The following C5 variants were observed in gnomAD, a reference collection of about 807,000 sequenced individuals.
The protein encoded by C5 is complement C5.
C5 carries 140 observed loss-of-function variants against 218.8 expected under a neutral mutation model. The observed-to-expected ratio is 0.64, with a 90% CI of 0.56 to 0.74. The LOEUF (loss-of-function observed/expected upper bound fraction) is 0.74. C5 is among the 30% of genes least tolerant of loss of function. The pLI, the probability that C5 is intolerant of heterozygous loss-of-function variation, is 0.00. For synonymous variants in C5, 614 were observed against 682.3 expected, an observed-to-expected ratio of 0.90 and a Z score of 1.56; for missense variants, 1,700 against 1,969.6, an observed-to-expected ratio of 0.86 and a Z score of 2.59.
intron 9 of C5, among the ~76,000 whole-genome samples, chr9:121,025,107 T>G (rs2047408186): frequency 6.6e-6 from 1 of 152,216 alleles, no homozygotes; most frequent in Non-Finnish European, 1.5e-5. Context: ...AATCTTATTT[T>G]GGTTTTGATT....
chr9:120,991,432 G>C, intron 22 of C5, 152 bp from the exon 23 acceptor site: 1 of 611,734 alleles, frequency 1.6e-6, no homozygotes, highest in South Asian at 2.0e-5. Context: ...AAATCATCAA[G>C]GACTTTAATC....
chr9:121,019,140 T>TA (rs41309846), intron 12 of C5, among the ~76,000 whole-genome samples: 16,006 of 147,316 alleles, frequency 0.11, 896 homozygotes, highest in African/African-American at 0.14. Context: ...GGTTTAAGAT[T>TA]AAAAAAAAAA....
At chr9:120,989,164 C>A in intron 24 of C5, 43 bp from the exon 25 acceptor site, 1 of 1,462,690 alleles carries the variant, frequency 6.8e-7, no homozygotes, top group Non-Finnish European at 9.6e-7. Context: ...AACAGACCTC[C>A]GTTTCTACTC....
chr9:121,008,728 G>A (rs1316831814), intron 17 of C5, among the ~76,000 whole-genome samples: 3 of 152,062 alleles, frequency 2.0e-5, no homozygotes, highest in African/African-American at 7.2e-5. Flanking sequence ...TCAGGAATTC[G>A]AGATCAGCCT....
At chr9:121,070,473 G>GTA in the C5 span, among the ~76,000 whole-genome samples, 61 of 145,062 alleles carry the variant, frequency 4.2e-4, no homozygotes, top group Non-Finnish European at 8.0e-4. Context: ...TTCTGTATGT[G>GTA]TATATATATG....
intron 12 of C5, 145 bp from the exon 13 acceptor site, chr9:121,017,997 A>C: frequency 1.6e-6 from 1 of 643,248 alleles, no homozygotes; most frequent in Non-Finnish European, 2.8e-6. Flanking sequence ...TCACACCTGT[A>C]ATCCTAGCAC....
intron 17 of C5, among the ~76,000 whole-genome samples, chr9:121,009,417 A>ATGATTT (rs1337182412): frequency 2.6e-4 from 40 of 152,356 alleles, no homozygotes; most frequent in African/African-American, 7.2e-4. Flanking sequence ...GCAGAGCCTG[A>ATGATTT]TGATTTTGAA....
chr9:120,973,537 AG>A (rs2046930127), intron 30 of C5, among the ~76,000 whole-genome samples: 1 of 152,184 alleles, frequency 6.6e-6, no homozygotes, highest in South Asian at 2.1e-4. Flanking sequence ...CTTTGCTTTC[AG>A]GTCTTTTGGT....
At chr9:120,954,668 T>C (rs2046771806) in intron 39 of C5, among the ~76,000 whole-genome samples, 1 of 152,258 alleles carries the variant, frequency 6.6e-6, no homozygotes, top group Admixed American at 6.5e-5. Flanking sequence ...GATTTATCGC[T>C]ATATATACAG....
Position 120,996,234 on chromosome 9 carries a change from GCCTA to G in C5, c.2851+2_2851+5del. 1 of 1,588,224 alleles carries G rather than the reference GCCTA, an allele frequency of 6.3e-7. No individual in the cohort carries two copies. Among genetic ancestry groups the G allele is most frequent in the Non-Finnish European group, 8.6e-7 (1 of 1,156,630 alleles). On this transcript the variant is annotated splice_donor_variant and splice_donor_5th_base_variant and intron_variant, in intron 22 of 40. Transcript: ENST00000223642. LOFTEE classifies it high-confidence loss of function. The stretch of plus-strand genomic sequence containing the variant: ...AACATATAAAATAAAAAATCATTTT[GCCTA>G]CCATAAATACCCCTAGGATCCAAAG...
At chr9:121,064,646 A>T in the C5 span, among the ~76,000 whole-genome samples, 1 of 152,344 alleles carries the variant, frequency 6.6e-6, no homozygotes, top group South Asian at 2.1e-4. Flanking sequence ...TAAAATTTAA[A>T]TTCAAAAGCA....
Position 121,050,231 on chromosome 9 carries a change from T to G in C5, c.16A>C (p.Ile6Leu), listed in dbSNP as rs1288535175. 10 of 1,613,906 alleles carry G rather than the reference T, an allele frequency of 6.2e-6. No individual in the cohort carries two copies. In the South Asian group the frequency reaches 1.1e-4, roughly 18 times the overall value. ...CCCAGGAAGATTAAAAAACAAAGTA[T>G]TCCCAAAAGGCCCATGGTTGGAGGT... MGLLG[I>L]LCFLIFLGKT... Residue 6 changes from isoleucine (I) to leucine (L), a missense_variant, in exon 1 of 41, where the codon ATA (isoleucine) becomes CTA (leucine). Ile to Leu is a conservative substitution (Grantham distance 5). Coordinates refer to ENST00000223642, the MANE Select transcript of C5 (RefSeq NM_001735.3).
At chr9:120,996,020 T>A (rs1469177588) in intron 22 of C5, among the ~76,000 whole-genome samples, 1 of 152,084 alleles carries the variant, frequency 6.6e-6, no homozygotes, top group African/African-American at 2.4e-5. Flanking sequence ...GGTTTCACTA[T>A]GTTGGCCAGG....
Position 120,971,103 on chromosome 9 carries a change from C to T in C5, c.4080+827G>A, listed in dbSNP as rs530771681. Among the ~76,000 whole-genome samples, 3 of 143,628 alleles carry T rather than the reference C, an allele frequency of 2.1e-5. No individual in the cohort carries two copies. In the South Asian group the frequency reaches 6.7e-4, roughly 32 times the overall value. 94.2% of individuals were successfully genotyped at this position (143,628 alleles called of 152,430 possible). ...AGGAGAATTGCTTGAACCTGGGAGGCGGAGGTTGCAGTGAGCCAAGATTGC... is the reference window on the plus strand; with the variant it reads ...AGGAGAATTGCTTGAACCTGGGAGGTGGAGGTTGCAGTGAGCCAAGATTGC... On this transcript the variant is annotated intron_variant, in intron 31 of 40. Coordinates refer to ENST00000223642, the MANE Select transcript of C5 (RefSeq NM_001735.3).
rs2131671300 is a variant in C5, at chr9:120,963,651, T to A, written c.4308A>T (p.Glu1436Asp). The A allele has an allele frequency of 6.2e-7, 1 of 1,612,400 alleles. No homozygotes were observed. Among genetic ancestry groups the A allele is most frequent in the South Asian group, 1.1e-5 (1 of 91,012 alleles). ...ISLPTGISAN[E>D]EDLKALVEGV... ...AAACACATACGGCTTTTAAGTCTTC[T>A]TCATTTGCACTGATTCCAGTAGGCA... Residue 1436 changes from glutamate (E) to aspartate (D), a missense_variant, in exon 34 of 41, where the codon GAA becomes GAT. Physicochemically the swap from Glu to Asp is conservative, Grantham distance 45. Transcript: ENST00000223642.
intron 39 of C5, among the ~76,000 whole-genome samples, chr9:120,956,699 C>T (rs1464518309): frequency 6.6e-6 from 1 of 152,018 alleles, no homozygotes; most frequent in Non-Finnish European, 1.5e-5. Flanking sequence ...GTTACTGATA[C>T]AAAAAAAGAC....
chr9:120,970,125 C>T, intron 32 of C5, 45 bp downstream of exon 32: 1 of 1,328,774 alleles, frequency 7.5e-7, no homozygotes, highest in Non-Finnish European at 1.1e-6. Context: ...TATACACATG[C>T]TTTATTTTTA....
chr9:121,036,781 C>A (rs551411487), intron 4 of C5, among the ~76,000 whole-genome samples: 114 of 152,206 alleles, frequency 7.5e-4, no homozygotes, highest in African/African-American at 2.6e-3. Flanking sequence ...GGTATTTGTC[C>A]TACTGTATAA....
In C5 at chr9:121,037,934, A is replaced by G. The variant is rs1654274677; in HGVS notation, c.439T>C (p.Ser147Pro). ...GCTGGCTTCAAGTCGTCATTCAACG[A>G]ATAAACTCTAACTTTTACTGTAAGA... is the stretch of plus-strand genomic sequence containing the variant. The part of the protein sequence containing the change: ...PDQSVKVRVY[S>P]LNDDLKPAKR... Residue 147 changes from serine to proline, a missense_variant, in exon 4 of 41, where the codon TCG becomes CCG. Ser to Pro is a moderately conservative substitution (Grantham distance 74). Transcript: ENST00000223642. 1 of 1,513,472 alleles carries G rather than the reference A, an allele frequency of 6.6e-7. No individual in the cohort carries two copies. The highest frequency in any genetic ancestry group is 1.7e-5 in the Admixed American group (1 of 58,660). 93.8% of individuals were successfully genotyped at this position (1,513,472 alleles called of 1,614,324 possible). A position where few individuals can be genotyped will look rare whatever the true frequency, so the allele number is the denominator to read the frequency against.
Sources: allele counts gnomAD v4.1 joint callset (sites outside exome capture counted in the v4.1 genomes callset), GRCh38; gene constraint gnomAD v4.1.1; transcripts MANE v1.5; gene names NCBI Gene and HGNC (gene_info 2026-07-23, HGNC 2026-07-21).